LRRFIP2: variants seen among roughly 807,000 people sequenced by gnomAD.
The protein encoded by LRRFIP2 is LRR binding FLII interacting protein 2.
Under a neutral mutation model 125.9 loss-of-function variants are expected in LRRFIP2, and 109 were observed. That is an observed-to-expected ratio of 0.87 (90% confidence interval 0.74 to 1.01). The LOEUF (loss-of-function observed/expected upper bound fraction) is 1.01. LRRFIP2 is among the 50% of genes least tolerant of loss of function. The pLI, the probability that LRRFIP2 is intolerant of heterozygous loss-of-function variation, is 0.00. For synonymous variants in LRRFIP2, 291 were observed against 293.1 expected (o/e 0.99, Z 0.07); for missense variants, 850 against 862.3 (o/e 0.99, Z 0.18).
intron 19 of LRRFIP2, among the ~76,000 whole-genome samples, chr3:37,083,405 T>C (rs1480380521): frequency 6.6e-6 from 1 of 152,220 alleles, no homozygotes; most frequent in African/African-American, 2.4e-5. Context: ...AGTTGTATTC[T>C]ATTTTCAGAA....
At chr3:37,157,859 A>T (rs9823617) in intron 1 of LRRFIP2, among the ~76,000 whole-genome samples, 58,144 of 152,062 alleles carry the variant, frequency 0.38, 11,830 homozygotes, top group Non-Finnish European at 0.45. Flanking sequence ...TTACAAAGGA[A>T]GAGAACCTAT....
chr3:37,092,130 A>T (rs2093476258), intron 17 of LRRFIP2, among the ~76,000 whole-genome samples: 1 of 152,254 alleles, frequency 6.6e-6, no homozygotes, highest in Non-Finnish European at 1.5e-5. Flanking sequence ...TCCTGAGGAT[A>T]CCATTTAAAT....
chr3:37,164,504 G>C (rs1469921369), intron 1 of LRRFIP2, among the ~76,000 whole-genome samples: 1 of 152,094 alleles, frequency 6.6e-6, no homozygotes. Context: ...GATCACCTGA[G>C]GTCAGGAGTT....
At chr3:37,160,883 C>A (rs1043677678) in intron 1 of LRRFIP2, among the ~76,000 whole-genome samples, 9 of 151,966 alleles carry the variant, frequency 5.9e-5, no homozygotes, top group Non-Finnish European at 1.2e-4. Flanking sequence ...CCACTCTATA[C>A]TCAAGAGAAT....
At position 37,058,845 on chromosome 3, in the gene LRRFIP2, C is replaced by T; in HGVS notation, c.1815G>A (p.Val605=). 1 of 1,614,104 alleles carries T rather than the reference C, an allele frequency of 6.2e-7. No individual in the cohort carries two copies. Among genetic ancestry groups the T allele is most frequent in the South Asian group, 1.1e-5 (1 of 91,086 alleles). Residue 605 remains valine (V), a synonymous_variant, in exon 25 of 28, where the codon GTG becomes GTA. Transcript: ENST00000336686. ...RQKCSRNDGT[V]GDLAGLQNGS... ...CATTCTGCAGTCCTGCCAGGTCACC[C>T]ACTGTGCCATCATTCCTGGAGCATT...
intron 17 of LRRFIP2, among the ~76,000 whole-genome samples, chr3:37,091,954 G>T (rs2149184242): frequency 6.6e-6 from 1 of 151,826 alleles, no homozygotes; most frequent in South Asian, 2.1e-4. Flanking sequence ...AATAAGAGGT[G>T]GCAAATTTTA....
chr3:37,151,926 A>G (rs1338767389), intron 1 of LRRFIP2, among the ~76,000 whole-genome samples: 2 of 152,150 alleles, frequency 1.3e-5, no homozygotes, highest in East Asian at 3.9e-4. Flanking sequence ...TAAAGAACTA[A>G]AAGTAGAACT....
Position 37,159,388 on chromosome 3 carries a change from G to A in LRRFIP2, c.-55-10350C>T, listed in dbSNP as rs770038118. 5.3e-5 allele frequency among the ~76,000 whole-genome samples: 8 copies of A among 152,290 alleles called. No individual in the cohort carries two copies. In the South Asian group the frequency reaches 1.7e-3, roughly 32 times the overall value. ...GTATCACACCATCTTGATTCACATA[G>A]CTTTGCAGTAAATTTTTTAATTGGA... is the stretch of plus-strand genomic sequence containing the variant. On this transcript the variant is annotated intron_variant, in intron 1 of 27. Transcript: ENST00000336686.
At chr3:37,080,006 TAC>T (rs2092486523) in intron 19 of LRRFIP2, among the ~76,000 whole-genome samples, 1 of 152,194 alleles carries the variant, frequency 6.6e-6, no homozygotes, top group Non-Finnish European at 1.5e-5. Flanking sequence ...TGATGAAGGT[TAC>T]ACATATATGT....
chr3:37,148,050 A>G (rs2095903116), intron 2 of LRRFIP2, among the ~76,000 whole-genome samples: 1 of 152,242 alleles, frequency 6.6e-6, no homozygotes, highest in Admixed American at 6.5e-5. Context: ...TATTGTTTCC[A>G]TCAACATTTA....
chr3:37,088,372 G>A (rs2093214354), intron 18 of LRRFIP2, among the ~76,000 whole-genome samples: 1 of 151,990 alleles, frequency 6.6e-6, no homozygotes, highest in South Asian at 2.1e-4. Flanking sequence ...TTAAAGGCAT[G>A]GGCAATATTT....
intron 18 of LRRFIP2, among the ~76,000 whole-genome samples, chr3:37,090,797 G>T (rs1371913940): frequency 1.3e-5 from 2 of 151,782 alleles, no homozygotes; most frequent in Admixed American, 1.3e-4. Flanking sequence ...TGACCTATAG[G>T]TTAAAAAAAT....
chr3:37,114,149 C>T (rs2094668993), intron 7 of LRRFIP2, among the ~76,000 whole-genome samples: 3 of 151,346 alleles, frequency 2.0e-5, no homozygotes, highest in Admixed American at 2.0e-4. Context: ...ATACATTACT[C>T]TGAATATTTT....
chr3:37,165,857 G>GA (rs754269332), intron 1 of LRRFIP2, among the ~76,000 whole-genome samples: 1 of 123,786 alleles, frequency 8.1e-6, no homozygotes, highest in African/African-American at 3.2e-5. Context: ...AAGAAAGAAA[G>GA]AGAAAGAAAG....
At chr3:37,069,328 T>G (rs556941600) in intron 21 of LRRFIP2, among the ~76,000 whole-genome samples, 1 of 152,168 alleles carries the variant, frequency 6.6e-6, no homozygotes, top group Non-Finnish European at 1.5e-5. Context: ...GGCCAAAAGG[T>G]AGATGTGTTG....
At chr3:37,147,544 C>T (rs1313419296) in intron 2 of LRRFIP2, among the ~76,000 whole-genome samples, 1 of 152,110 alleles carries the variant, frequency 6.6e-6, no homozygotes, top group African/African-American at 2.4e-5. Flanking sequence ...CAAATAGCCT[C>T]CTACAGCATT....
At chr3:37,145,812 T>A (rs566827635) in intron 2 of LRRFIP2, among the ~76,000 whole-genome samples, 123 of 152,298 alleles carry the variant, frequency 8.1e-4, no homozygotes, top group Middle Eastern at 6.8e-3. Flanking sequence ...ATGCACAGAC[T>A]CTGGAGCCAA....
chr3:37,166,662 A>G (rs1223972776), intron 1 of LRRFIP2, among the ~76,000 whole-genome samples: 1 of 151,814 alleles, frequency 6.6e-6, no homozygotes, highest in Non-Finnish European at 1.5e-5. Context: ...GTTGGAGACC[A>G]GCCTGGACGT....
At chr3:37,072,178 T>A in intron 21 of LRRFIP2, among the ~76,000 whole-genome samples, 1 of 152,168 alleles carries the variant, frequency 6.6e-6, no homozygotes, top group East Asian at 1.9e-4. Flanking sequence ...AGAGTTTGAA[T>A]TGAATGCCTG....
Sources: gnomAD v4.1 joint callset for allele counts (sites outside exome capture counted in the v4.1 genomes callset) on GRCh38, gnomAD v4.1.1 for gene constraint, MANE v1.5 for transcripts, NCBI Gene and HGNC (gene_info 2026-07-23, HGNC 2026-07-21) for gene names.